Variants in CYTH1 observed in about 807,000 individuals in gnomAD.
CYTH1 encodes the protein cytohesin 1.
In CYTH1, 18 loss-of-function variants were observed where a neutral mutation model predicts 61.8. That is an observed-to-expected ratio of 0.29 (90% CI 0.20 to 0.43). The LOEUF (loss-of-function observed/expected upper bound fraction) is 0.43, where lower values mean the gene tolerates loss of function less well. Ranked by LOEUF, CYTH1 falls within the 20% of genes least tolerant of loss-of-function variation. The pLI is 1.00. For synonymous variants in CYTH1, 174 were observed against 184.3 expected (o/e 0.94, Z 0.45); for missense variants, 336 against 510.5 (o/e 0.66, Z 3.29).
intron 1 of CYTH1, among the ~76,000 whole-genome samples, chr17:78,752,606 T>C (rs2093384758): frequency 6.6e-6 from 1 of 152,128 alleles, no homozygotes; most frequent in Admixed American, 6.6e-5. Context: ...CTAATTTTTG[T>C]ATTTTTAGTA....
rs975739954 is a variant in CYTH1 at position 78,717,842 on chromosome 17, G to C, written c.23-8110C>G. Among the ~76,000 whole-genome samples the C allele has an allele frequency of 4.6e-5, 7 of 152,236 alleles. No individual in the cohort carries two copies. The highest frequency in any genetic ancestry group is 1.7e-4 in the African/African-American group (7 of 41,538). On this transcript the variant is annotated intron_variant, in intron 1 of 13. Coordinates refer to ENST00000446868, the MANE Select transcript of CYTH1 (RefSeq NM_004762.6). The surrounding 1 kb of genome is among the most constrained non-coding windows in gnomAD (Gnocchi z 4.4). ...TGTCCAAGGCATGCTTTAGGACCAGGATGTCTCTTTGAGGTCATCCAGCTG... is the reference window on the plus strand; with the variant it reads ...TGTCCAAGGCATGCTTTAGGACCAGCATGTCTCTTTGAGGTCATCCAGCTG...
At chr17:78,683,066 T>G (rs1459983310) in intron 11 of CYTH1, among the ~76,000 whole-genome samples, 1 of 152,254 alleles carries the variant, frequency 6.6e-6, no homozygotes, top group African/African-American at 2.4e-5. Flanking sequence ...TGGGAGATTT[T>G]CTTAATGCTT....
chr17:78,743,768 C>T (rs7218899), intron 1 of CYTH1, among the ~76,000 whole-genome samples: 70,051 of 152,074 alleles, frequency 0.46, 16,762 homozygotes, highest in Non-Finnish European at 0.52. Flanking sequence ...TGCTTGCTAA[C>T]ACTGAAGATT....
chr17:78,681,550 C>G (rs71385976), intron 11 of CYTH1, among the ~76,000 whole-genome samples: 4 of 152,154 alleles, frequency 2.6e-5, no homozygotes, highest in Non-Finnish European at 5.9e-5. Context: ...CCTGACAACT[C>G]CACCTGGATT....
At chr17:78,684,456 T>G (rs1415995377) in intron 11 of CYTH1, among the ~76,000 whole-genome samples, 1 of 152,244 alleles carries the variant, frequency 6.6e-6, no homozygotes, top group Non-Finnish European at 1.5e-5. Context: ...ATGACTTGTG[T>G]GTGCCCAATA....
chr17:78,770,355 G>GAAAAAAAAAA (rs35531159), intron 1 of CYTH1, among the ~76,000 whole-genome samples: 3 of 128,320 alleles, frequency 2.3e-5, no homozygotes, highest in Non-Finnish European at 3.2e-5. Flanking sequence ...GAAAAGAAAA[G>GAAAAAAAAAA]AAAAAAAAAA....
At chr17:78,691,193 C>T (rs1041848523) in intron 11 of CYTH1, 2 of 152,246 alleles carry the variant, frequency 1.3e-5, no homozygotes, top group African/African-American at 4.8e-5. Flanking sequence ...CATATGAAAT[C>T]CCGGCCAGAA....
At chr17:78,699,066 A>G (rs1418065102) in intron 7 of CYTH1, 98 bp from the exon 8 acceptor site, 1 of 1,457,652 alleles carries the variant, frequency 6.9e-7, no homozygotes, top group Non-Finnish European at 9.3e-7. Flanking sequence ...TGAAATCAGG[A>G]ATAAAAAACC....
At chr17:78,727,776 C>T in intron 1 of CYTH1, 1 of 468,658 alleles carries the variant, frequency 2.1e-6, no homozygotes, top group Admixed American at 2.4e-5. Context: ...TGGCTGCTCT[C>T]ATGAGGCTGC....
intron 1 of CYTH1, among the ~76,000 whole-genome samples, chr17:78,739,745 G>C (rs941412334): frequency 2.0e-5 from 3 of 152,168 alleles, no homozygotes; most frequent in Admixed American, 1.3e-4. Context: ...AGACCAGTTG[G>C]GGGGCTGCTA....
intron 1 of CYTH1, among the ~76,000 whole-genome samples, chr17:78,718,149 C>T (rs1295943647): frequency 6.6e-6 from 1 of 151,466 alleles, no homozygotes; most frequent in Non-Finnish European, 1.5e-5. Flanking sequence ...TGGCCTGCTG[C>T]CAACGGGTGC....
intron 11 of CYTH1, among the ~76,000 whole-genome samples, chr17:78,686,450 G>C (rs2092817426): frequency 6.6e-6 from 1 of 152,128 alleles, no homozygotes; most frequent in Non-Finnish European, 1.5e-5. Flanking sequence ...CTCCTCCTGT[G>C]AATCTCTGAT....
At chr17:78,691,484 T>A (rs1432479950) in intron 11 of CYTH1, 1 of 152,246 alleles carries the variant, frequency 6.6e-6, no homozygotes, top group African/African-American at 2.4e-5. Context: ...CCCATTTTGC[T>A]CTAAACTGAT....
chr17:78,707,588 T>G (rs918769724), intron 3 of CYTH1, among the ~76,000 whole-genome samples: 2 of 152,004 alleles, frequency 1.3e-5, no homozygotes, highest in African/African-American at 2.4e-5. Flanking sequence ...AACTTTAAAA[T>G]GCACACCGAC....
chr17:78,715,562 G>A (rs145178726), intron 1 of CYTH1, among the ~76,000 whole-genome samples: 32 of 152,246 alleles, frequency 2.1e-4, no homozygotes, highest in African/African-American at 7.5e-4. Flanking sequence ...CGAAACCAGA[G>A]AATGAAGGAG....
intron 11 of CYTH1, among the ~76,000 whole-genome samples, chr17:78,688,166 A>T (rs549296805): frequency 5.3e-5 from 8 of 152,342 alleles, no homozygotes; most frequent in Non-Finnish European, 1.2e-4. Flanking sequence ...CTGAGTAGTG[A>T]AACCAGAAAG....
intron 1 of CYTH1, among the ~76,000 whole-genome samples, chr17:78,756,550 C>T (rs188445114): frequency 1.3e-5 from 2 of 152,236 alleles, no homozygotes; most frequent in African/African-American, 4.8e-5. Flanking sequence ...CCCTAGTTTG[C>T]TAATGAGGCT....
intron 1 of CYTH1, among the ~76,000 whole-genome samples, chr17:78,744,074 T>G (rs1004810570): frequency 6.6e-6 from 1 of 152,220 alleles, no homozygotes; most frequent in South Asian, 2.1e-4. Flanking sequence ...AATCTCACAG[T>G]TAAATATACG....
chr17:78,716,685 C>T (rs1165027540), intron 1 of CYTH1, among the ~76,000 whole-genome samples: 1 of 152,120 alleles, frequency 6.6e-6, no homozygotes, highest in Non-Finnish European at 1.5e-5. Flanking sequence ...AAGTATTTTC[C>T]TCTGCATAAA....
Sources: gnomAD v4.1 joint callset for allele counts (sites outside exome capture counted in the v4.1 genomes callset) on GRCh38, gnomAD v4.1.1 for gene constraint, Gnocchi (gnomAD v3.1) non-coding constraint, MANE v1.5 for transcripts, NCBI Gene and HGNC (gene_info 2026-07-23, HGNC 2026-07-21) for gene names.